Variants in TBX20 observed in about 807,000 individuals in gnomAD.
The protein encoded by TBX20 is T-box transcription factor TBX20.
In TBX20, 8 loss-of-function variants were observed where a neutral mutation model predicts 42.9. The ratio of observed to expected loss-of-function variants is 0.19; its 90% CI spans 0.11 to 0.34. The LOEUF (loss-of-function observed/expected upper bound fraction) is 0.34. Ranked by LOEUF, TBX20 falls within the 10% of genes least tolerant of loss-of-function variation. The pLI, the probability that TBX20 is intolerant of heterozygous loss-of-function variation, is 1.00. For missense variants in TBX20, 411 were observed against 566.0 expected (o/e 0.73, Z 2.78); for synonymous variants, 198 against 222.8 (o/e 0.89, Z 0.99).
rs1373513239 is a variant in TBX20, at chr7:35,250,209, G to A, written c.128-6C>T. The A allele has an allele frequency of 3.1e-6, 5 of 1,613,956 alleles. No homozygotes were observed. The African/African-American group carries it at 5.3e-5, about 17-fold the overall frequency. On this transcript the variant is annotated splice_polypyrimidine_tract_variant and splice_region_variant and intron_variant, in intron 1 of 7. Coordinates refer to ENST00000408931, the MANE Select transcript of TBX20 (RefSeq NM_001077653.2). ...CGACTTCTCCACAAATTGCTCTGGA[G>A]GTAAAGAGAATTGTGAATGACAGCT...
intron 6 of TBX20, among the ~76,000 whole-genome samples, chr7:35,219,265 T>C (rs1789641082): frequency 6.6e-6 from 1 of 152,086 alleles, no homozygotes; most frequent in African/African-American, 2.4e-5. Flanking sequence ...GGCCATATAG[T>C]AAATATCTTA....
intron 6 of TBX20, among the ~76,000 whole-genome samples, chr7:35,229,610 C>T (rs1481160369): frequency 6.6e-6 from 1 of 152,152 alleles, no homozygotes; most frequent in Admixed American, 6.5e-5. Flanking sequence ...GAAAATGTGG[C>T]CACATGCATT....
At chr7:35,220,457 G>T (rs1178205366) in intron 6 of TBX20, among the ~76,000 whole-genome samples, 6 of 152,350 alleles carry the variant, frequency 3.9e-5, no homozygotes, top group Admixed American at 2.6e-4. Flanking sequence ...GTTTCTAGCT[G>T]CTGAGACAGA....
chr7:35,232,105 A>G (rs1293933586), intron 5 of TBX20, among the ~76,000 whole-genome samples: 1 of 152,252 alleles, frequency 6.6e-6, no homozygotes, highest in Non-Finnish European at 1.5e-5. Context: ...TATACATGAC[A>G]TAAATACATG....
intron 5 of TBX20, among the ~76,000 whole-genome samples, chr7:35,238,432 A>G (rs1365192847): frequency 1.3e-5 from 2 of 152,266 alleles, no homozygotes; most frequent in African/African-American, 4.8e-5. Context: ...TTTAAAAAGA[A>G]TTATGATAAA....
At chr7:35,215,541 G>A (rs944427780) in intron 6 of TBX20, among the ~76,000 whole-genome samples, 4 of 152,152 alleles carry the variant, frequency 2.6e-5, no homozygotes, top group African/African-American at 9.7e-5. Context: ...ATCTTGTAAT[G>A]CTAATTCTGT....
intron 5 of TBX20, among the ~76,000 whole-genome samples, chr7:35,236,917 T>C (rs1482098656): frequency 2.0e-5 from 2 of 98,676 alleles, no homozygotes; most frequent in Non-Finnish European, 4.0e-5. Flanking sequence ...ATCCCATTTA[T>C]GATATTAATT....
chr7:35,242,519 A>G (rs1790103064), intron 4 of TBX20, among the ~76,000 whole-genome samples: 1 of 152,222 alleles, frequency 6.6e-6, no homozygotes, highest in Non-Finnish European at 1.5e-5. Flanking sequence ...AAAAATTAAC[A>G]TTCATCATAT....
intron 1 of TBX20, among the ~76,000 whole-genome samples, chr7:35,252,160 C>T (rs1344795063): frequency 2.6e-5 from 4 of 152,176 alleles, no homozygotes; most frequent in Admixed American, 6.5e-5. Context: ...TCTTTTCCTG[C>T]TATGTAACAA....
chr7:35,237,370 A>C (rs1460222970), intron 5 of TBX20, among the ~76,000 whole-genome samples: 1 of 151,378 alleles, frequency 6.6e-6, no homozygotes, highest in Non-Finnish European at 1.5e-5. Context: ...GAAAATTTTA[A>C]TATAAACTGA....
At chr7:35,244,926 A>G in intron 4 of TBX20, 23 bp downstream of exon 4, 1 of 1,571,522 alleles carries the variant, frequency 6.4e-7, no homozygotes, top group Non-Finnish European at 8.8e-7. Context: ...GGGAACCTGC[A>G]CAGTCCAAGG....
At chr7:35,231,827 A>G (rs981016045) in intron 5 of TBX20, among the ~76,000 whole-genome samples, 2 of 152,102 alleles carry the variant, frequency 1.3e-5, no homozygotes, top group Non-Finnish European at 2.9e-5. Context: ...ACAATTAGGG[A>G]AGGGAGCCTT....
At chr7:35,243,449 A>G (rs917219842) in intron 4 of TBX20, among the ~76,000 whole-genome samples, 7 of 152,204 alleles carry the variant, frequency 4.6e-5, no homozygotes, top group African/African-American at 9.6e-5. Context: ...AAGCATTTCA[A>G]TTATGGACAA....
chr7:35,229,230 C>G (rs1789827560), intron 6 of TBX20, among the ~76,000 whole-genome samples: 1 of 152,092 alleles, frequency 6.6e-6, no homozygotes, highest in Non-Finnish European at 1.5e-5. Context: ...GTGTTTTTCT[C>G]TCAGATCTCT....
intron 5 of TBX20, among the ~76,000 whole-genome samples, chr7:35,235,352 T>C (rs1789944312): frequency 6.6e-6 from 1 of 150,620 alleles, no homozygotes; most frequent in African/African-American, 2.4e-5. Flanking sequence ...CAGACAGTGA[T>C]TTCAGGTGGA....
chr7:35,222,887 A>G (rs1789706470), intron 6 of TBX20, among the ~76,000 whole-genome samples: 1 of 152,192 alleles, frequency 6.6e-6, no homozygotes, highest in Admixed American at 6.5e-5. Context: ...GAGTATGAGC[A>G]ATGTGATCAA....
intron 6 of TBX20, among the ~76,000 whole-genome samples, chr7:35,225,294 T>A (rs1789750173): frequency 2.0e-5 from 3 of 152,200 alleles, no homozygotes; most frequent in Admixed American, 6.5e-5. Flanking sequence ...TAATTTTAGA[T>A]ACGCCCAGTT....
Position 35,204,506 on chromosome 7 carries a change from C to T in TBX20, c.967G>A (p.Val323Ile). 1 of 1,614,156 alleles carries T rather than the reference C, an allele frequency of 6.2e-7. No individual in the cohort carries two copies. Among genetic ancestry groups the T allele is most frequent in the Non-Finnish European group, 8.5e-7 (1 of 1,179,990 alleles). The change falls in exon 7 of 8, where the codon GTC becomes ATC. Residue 323 changes from valine to isoleucine, a missense_variant. Coordinates refer to ENST00000408931, the MANE Select transcript of TBX20 (RefSeq NM_001077653.2). ...GTTGTCTGACTCTCATCCCCCAAGA[C>T]ATCTTCTTCTCCTCCGTAGGTACGG... ...PIRTYGGEEDVLGDESQTTPN... is the reference protein window; with the variant it reads ...PIRTYGGEEDILGDESQTTPN...
At chr7:35,221,117 CAT>C (rs1789674876) in intron 6 of TBX20, among the ~76,000 whole-genome samples, 1 of 151,876 alleles carries the variant, frequency 6.6e-6, no homozygotes, top group Admixed American at 6.6e-5. Flanking sequence ...GGAGATGCAA[CAT>C]ATGTTTACAT....
Sources: allele counts gnomAD v4.1 joint callset (sites outside exome capture counted in the v4.1 genomes callset), GRCh38; gene constraint gnomAD v4.1.1; transcripts MANE v1.5; gene names NCBI Gene and HGNC (gene_info 2026-07-23, HGNC 2026-07-21).